Variants in DOCK1 observed in about 807,000 individuals in gnomAD.
The protein encoded by DOCK1 is dedicator of cytokinesis protein 1.
In DOCK1, 138 loss-of-function variants were observed where a neutral mutation model predicts 262.7. The observed-to-expected ratio is 0.53, with a 90% confidence interval of 0.46 to 0.61. The LOEUF (loss-of-function observed/expected upper bound fraction) is 0.61. Among genes scored for constraint, DOCK1 ranks in the 20% least tolerant of loss-of-function variants. The pLI, the probability that DOCK1 is intolerant of heterozygous loss-of-function variation, is 0.00. For missense variants in DOCK1, 1,908 were observed against 2,370.7 expected (o/e 0.80, Z 4.05); for synonymous variants, 866 against 867.4 (o/e 1.00, Z 0.03).
At chr10:126,923,702 A>G (rs1036371512) in intron 1 of DOCK1, among the ~76,000 whole-genome samples, 1 of 152,220 alleles carries the variant, frequency 6.6e-6, no homozygotes, top group African/African-American at 2.4e-5. Flanking sequence ...CATTCTCGGC[A>G]TCTCTCTCCA....
chr10:127,339,185 T>C (rs929800318), intron 30 of DOCK1, 101 bp downstream of exon 30: 4 of 1,050,242 alleles, frequency 3.8e-6, no homozygotes, highest in Non-Finnish European at 5.7e-6. Context: ...TTGAACTTAA[T>C]TGGTCTCCCA....
intron 27 of DOCK1, among the ~76,000 whole-genome samples, chr10:127,227,764 A>G (rs72836417): frequency 0.05 from 7,544 of 152,312 alleles, 272 homozygotes; most frequent in Non-Finnish European, 0.064. Context: ...ACGTCTTTCC[A>G]TGCTGGCTGA....
intron 18 of DOCK1, among the ~76,000 whole-genome samples, chr10:127,033,686 G>A (rs920016191): frequency 2.6e-5 from 4 of 152,216 alleles, no homozygotes; most frequent in Non-Finnish European, 4.4e-5. Context: ...CCAAGGGACA[G>A]TCATCGTTTG....
intron 29 of DOCK1, among the ~76,000 whole-genome samples, chr10:127,305,223 C>G (rs541098110): frequency 6.6e-6 from 1 of 151,972 alleles, no homozygotes; most frequent in African/African-American, 2.4e-5. Context: ...TTTCTCATGT[C>G]ACATTTATTT....
intron 29 of DOCK1, among the ~76,000 whole-genome samples, chr10:127,284,078 A>T (rs1474301401): frequency 2.0e-5 from 3 of 152,258 alleles, no homozygotes; most frequent in South Asian, 2.1e-4. Context: ...AAGATAAAAC[A>T]GTTCCCAGCC....
intron 51 of DOCK1, among the ~76,000 whole-genome samples, chr10:127,448,880 C>T (rs1371549579): frequency 6.6e-6 from 1 of 150,628 alleles, no homozygotes; most frequent in Non-Finnish European, 1.5e-5. Flanking sequence ...AATGGAGACT[C>T]GTTGACGGAG....
intron 32 of DOCK1, among the ~76,000 whole-genome samples, chr10:127,357,313 C>T (rs1218304306): frequency 6.6e-6 from 1 of 152,208 alleles, no homozygotes; most frequent in Non-Finnish European, 1.5e-5. Context: ...TTGATCACCA[C>T]TGAAAGTGGC....
At chr10:127,006,182 G>A (rs1012199708) in intron 10 of DOCK1, among the ~76,000 whole-genome samples, 3 of 152,126 alleles carry the variant, frequency 2.0e-5, no homozygotes, top group African/African-American at 7.2e-5. Context: ...CATCTGCCGT[G>A]AGCAAGTCAT....
intron 27 of DOCK1, among the ~76,000 whole-genome samples, chr10:127,212,679 A>G (rs2134347189): frequency 6.6e-6 from 1 of 151,818 alleles, no homozygotes; most frequent in East Asian, 1.9e-4. Context: ...TTCTCAATGA[A>G]GGATGAATTT....
chr10:127,245,350 A>T (rs529146115), intron 27 of DOCK1, among the ~76,000 whole-genome samples: 2 of 152,338 alleles, frequency 1.3e-5, no homozygotes, highest in East Asian at 3.9e-4. Flanking sequence ...CATTTCCTTA[A>T]GTTTGGTAAA....
At chr10:127,388,815 A>AG (rs1246781271) in intron 38 of DOCK1, among the ~76,000 whole-genome samples, 1 of 152,208 alleles carries the variant, frequency 6.6e-6, no homozygotes, top group East Asian at 1.9e-4. Flanking sequence ...AAGTGCACTT[A>AG]GGGGCAGGTG....
intron 32 of DOCK1, among the ~76,000 whole-genome samples, chr10:127,361,259 G>A (rs768447184): frequency 9.2e-5 from 14 of 151,618 alleles, no homozygotes; most frequent in Non-Finnish European, 1.8e-4. Context: ...GACTACAGGC[G>A]CCCGCTACCA....
chr10:126,941,478 C>T lies in DOCK1; in HGVS notation c.47-29224C>T, dbSNP rs978538890. Among the ~76,000 whole-genome samples, 11 of 152,288 alleles carry T rather than the reference C, an allele frequency of 7.2e-5. No individual in the cohort carries two copies. In the East Asian group the frequency reaches 7.7e-4, roughly 11 times the overall value. On this transcript the variant is annotated intron_variant, in intron 1 of 51. Coordinates refer to ENST00000623213, the MANE Select transcript of DOCK1 (RefSeq NM_001290223.2). ...CCGCAGTTAAACAGCATCTGTGGGC[C>T]GGGCACAGTGGCTCATGCCTGTAAT...
chr10:127,320,143 A>G (rs547000617), intron 29 of DOCK1, among the ~76,000 whole-genome samples: 77 of 103,044 alleles, frequency 7.5e-4, no homozygotes, highest in African/African-American at 3.3e-3. Flanking sequence ...GTAGCCGTCT[A>G]AGAGCAGAAG....
chr10:127,416,082 C>T (rs2068133828), intron 44 of DOCK1, among the ~76,000 whole-genome samples: 1 of 152,216 alleles, frequency 6.6e-6, no homozygotes, highest in Admixed American at 6.5e-5. Flanking sequence ...AGCGCCGAGC[C>T]TTCTCCTTTG....
chr10:127,258,568 C>T (rs932750418), intron 29 of DOCK1, among the ~76,000 whole-genome samples: 42 of 152,222 alleles, frequency 2.8e-4, no homozygotes, highest in African/African-American at 1.0e-3. Flanking sequence ...GGGCTATCCC[C>T]AGTTTGTGGC....
intron 29 of DOCK1, among the ~76,000 whole-genome samples, chr10:127,318,008 GC>G (rs1209050557): frequency 1.3e-5 from 2 of 152,188 alleles, no homozygotes; most frequent in Non-Finnish European, 2.9e-5. Context: ...GCAGCTGGCA[GC>G]CTGTCTGGGG....
chr10:126,949,249 G>T (rs1324876625), intron 1 of DOCK1, among the ~76,000 whole-genome samples: 2 of 152,112 alleles, frequency 1.3e-5, no homozygotes, highest in Non-Finnish European at 2.9e-5. Context: ...CTGCTCTCCT[G>T]CAGCCCTCTC....
At chr10:127,043,431 G>A (rs1591789578) in intron 21 of DOCK1, among the ~76,000 whole-genome samples, 1 of 152,188 alleles carries the variant, frequency 6.6e-6, no homozygotes, top group Non-Finnish European at 1.5e-5. Context: ...TTCACTTTAT[G>A]TTCGATGAAA....
Sources: allele counts gnomAD v4.1 joint callset (sites outside exome capture counted in the v4.1 genomes callset), GRCh38; gene constraint gnomAD v4.1.1; transcripts MANE v1.5; gene names NCBI Gene and HGNC (gene_info 2026-07-23, HGNC 2026-07-21).